TAFA2: variants seen among roughly 807,000 people sequenced by gnomAD.
TAFA2 encodes chemokine-like protein TAFA-2.
In TAFA2, 7 loss-of-function variants were observed where a neutral mutation model predicts 18.8. The ratio of observed to expected loss-of-function variants is 0.37; its 90% CI spans 0.21 to 0.70. The LOEUF (loss-of-function observed/expected upper bound fraction) is 0.70. Ranked by LOEUF, TAFA2 falls within the 30% of genes least tolerant of loss-of-function variation. The pLI, the probability that TAFA2 is intolerant of heterozygous loss-of-function variation, is 0.53. For missense variants in TAFA2, 122 were observed against 158.1 expected, an observed-to-expected ratio of 0.77 and a Z score of 1.23; for synonymous variants, 60 against 54.2, an observed-to-expected ratio of 1.11 and a Z score of -0.47.
At chr12:61,901,465 T>C (rs1459252597) in intron 1 of TAFA2, among the ~76,000 whole-genome samples, 3 of 151,612 alleles carry the variant, frequency 2.0e-5, no homozygotes, top group Admixed American at 6.7e-5. Context: ...ATAATTTTAA[T>C]CCTATTCTTC....
chr12:62,152,628 C>T (rs945681275), intron 1 of TAFA2, among the ~76,000 whole-genome samples: 4 of 152,134 alleles, frequency 2.6e-5, no homozygotes, highest in African/African-American at 9.7e-5. Context: ...GGTCACTCTC[C>T]CATAGAAGTG....
At chr12:62,172,142 G>T (rs1048410669) in intron 1 of TAFA2, among the ~76,000 whole-genome samples, 1 of 152,070 alleles carries the variant, frequency 6.6e-6, no homozygotes, top group Admixed American at 6.5e-5. Flanking sequence ...TTTTAAAAAA[G>T]AAAACATTTC....
intron 1 of TAFA2, among the ~76,000 whole-genome samples, chr12:61,962,143 T>G (rs1395823067): frequency 2.0e-5 from 3 of 152,056 alleles, no homozygotes; most frequent in Non-Finnish European, 4.4e-5. Flanking sequence ...GATTATGTGC[T>G]TTGTAGTTAA....
At chr12:61,741,336 T>C (rs73322466) in intron 4 of TAFA2, among the ~76,000 whole-genome samples, 2,252 of 151,898 alleles carry the variant, frequency 0.015, 48 homozygotes, top group African/African-American at 0.05. Flanking sequence ...TGTGTGTGTA[T>C]ATATATTTAC....
intron 1 of TAFA2, among the ~76,000 whole-genome samples, chr12:62,054,102 C>G (rs1349983131): frequency 6.6e-6 from 1 of 152,174 alleles, no homozygotes; most frequent in African/African-American, 2.4e-5. Context: ...CAGCTGTGTA[C>G]TTCCAGTGAC....
chr12:62,207,745 A>G (rs1159861069), intron 1 of TAFA2, among the ~76,000 whole-genome samples: 1 of 152,192 alleles, frequency 6.6e-6, no homozygotes, highest in East Asian at 1.9e-4. Context: ...AATAAGCCCT[A>G]GACTCCAGAA....
chr12:62,086,397 C>A (rs1868454560), intron 1 of TAFA2, among the ~76,000 whole-genome samples: 1 of 151,968 alleles, frequency 6.6e-6, no homozygotes, highest in South Asian at 2.1e-4. Flanking sequence ...CAATCATATA[C>A]CTGATAAGGG....
At position 61,887,754 on chromosome 12, in the gene TAFA2, G is replaced by A. The variant is rs867474780; in HGVS notation, c.-1-20328C>T. On this transcript the variant is annotated intron_variant, in intron 1 of 4. Coordinates refer to ENST00000416284, the MANE Select transcript of TAFA2 (RefSeq NM_178539.5). Reference sequence around the variant, plus strand: ...CCAATTTCATCCATGTCCCTACAAAGGACATGAACTCATCATTTTTTATGG... The same window carrying A: ...CCAATTTCATCCATGTCCCTACAAAAGACATGAACTCATCATTTTTTATGG... Among the ~76,000 whole-genome samples the A allele has an allele frequency of 2.0e-3, 297 of 150,762 alleles. 1 individual carries two copies. Among genetic ancestry groups the A allele is most frequent in the African/African-American group, 6.9e-3 (283 of 41,132 alleles).
intron 1 of TAFA2, among the ~76,000 whole-genome samples, chr12:62,007,496 A>G (rs1880593508): frequency 6.6e-6 from 1 of 152,234 alleles, no homozygotes; most frequent in Admixed American, 6.5e-5. Flanking sequence ...ATAGTAGGTC[A>G]TAAATATTTG....
At chr12:62,111,372 T>C (rs961434228) in intron 1 of TAFA2, among the ~76,000 whole-genome samples, 2 of 152,246 alleles carry the variant, frequency 1.3e-5, no homozygotes, top group Non-Finnish European at 2.9e-5. Context: ...TGATTTCCAT[T>C]CTTTTGCATT....
At chr12:61,753,859 G>A (rs1869136916) in intron 3 of TAFA2, 113 bp from the exon 4 acceptor site, 3 of 734,286 alleles carry the variant, frequency 4.1e-6, no homozygotes, top group Admixed American at 2.8e-5. Flanking sequence ...GGGAATACAG[G>A]TATTTGAGGT....
chr12:62,132,322 A>G (rs936984953), intron 1 of TAFA2, among the ~76,000 whole-genome samples: 2 of 151,380 alleles, frequency 1.3e-5, no homozygotes, highest in African/African-American at 2.4e-5. Flanking sequence ...ATGAGTTTCC[A>G]GGAGACACTG....
chr12:61,739,079 A>G (rs1252923747), intron 4 of TAFA2, among the ~76,000 whole-genome samples: 1 of 152,050 alleles, frequency 6.6e-6, no homozygotes, highest in Non-Finnish European at 1.5e-5. Flanking sequence ...CATGTGAGAA[A>G]TCTATGTGGC....
intron 4 of TAFA2, among the ~76,000 whole-genome samples, chr12:61,743,761 G>A (rs1868565552): frequency 6.6e-6 from 1 of 152,058 alleles, no homozygotes; most frequent in African/African-American, 2.4e-5. Flanking sequence ...TCCAGAGTAA[G>A]AAAATAAAAT....
At chr12:61,795,407 A>T (rs1398122883) in intron 2 of TAFA2, among the ~76,000 whole-genome samples, 4 of 152,186 alleles carry the variant, frequency 2.6e-5, no homozygotes, top group Non-Finnish European at 4.4e-5. Context: ...GCCATAAAAA[A>T]GGATGAGTTC....
chr12:61,747,443 T>C (rs1177869832), intron 4 of TAFA2, among the ~76,000 whole-genome samples: 18 of 146,774 alleles, frequency 1.2e-4, no homozygotes, highest in African/African-American at 4.4e-4. Flanking sequence ...TTATTCACGA[T>C]AGCAAAGACT....
At position 61,867,327 on chromosome 12, in the gene TAFA2, A is replaced by G; in HGVS notation, c.99T>C (p.His33=). Residue 33 remains histidine (H), a synonymous_variant, in exon 2 of 5, where the codon CAT becomes CAC. Coordinates refer to ENST00000416284, the MANE Select transcript of TAFA2 (RefSeq NM_178539.5). ...LWGKVVSSAN[H]HKAHHVKTGT... is the part of the protein sequence containing the mutation. ...AAAAACAGAAAAGCTTACCTTTATGATGGTTTGCACTGGATACAACTTTCC... is the reference window on the plus strand; with the variant it reads ...AAAAACAGAAAAGCTTACCTTTATGGTGGTTTGCACTGGATACAACTTTCC... The G allele has an allele frequency of 6.4e-7, 1 of 1,572,964 alleles. No homozygotes were observed. Among genetic ancestry groups the G allele is most frequent in the Non-Finnish European group, 8.7e-7 (1 of 1,154,488 alleles).
intron 4 of TAFA2, among the ~76,000 whole-genome samples, chr12:61,712,809 AT>A (rs56022266): frequency 0.057 from 8,651 of 151,202 alleles, 751 homozygotes; most frequent in African/African-American, 0.19. Flanking sequence ...CTAATACTTG[AT>A]TTTTTTTTTT....
chr12:61,962,957 T>C lies in TAFA2; in HGVS notation c.-1-95531A>G, dbSNP rs550609033. On this transcript the variant is annotated intron_variant, in intron 1 of 4. Transcript: ENST00000416284. ...GTTCTCACTGTCCAACTCTCACTTA[T>C]GAATGAGAACATACAGTGTTTGCTT... Among the ~76,000 whole-genome samples the C allele has an allele frequency of 2.7e-4, 41 of 152,202 alleles. No homozygotes were observed. The South Asian group carries it at 7.0e-3, about 26-fold the overall frequency.
Sources: allele counts gnomAD v4.1 joint callset (sites outside exome capture counted in the v4.1 genomes callset), GRCh38; gene constraint gnomAD v4.1.1; transcripts MANE v1.5; gene names NCBI Gene and HGNC (gene_info 2026-07-23, HGNC 2026-07-21).